SCD5: variants seen among roughly 807,000 people sequenced by gnomAD.
The protein encoded by SCD5 is stearoyl-CoA desaturase 5, also known as acyl-CoA-desaturase 4.
SCD5 carries 20 observed loss-of-function variants against 30.4 expected under a neutral mutation model. That is an observed-to-expected ratio of 0.66 (90% CI 0.46 to 0.96). SCD5 has a LOEUF of 0.96. Among genes scored for constraint, SCD5 ranks in the 40% least tolerant of loss-of-function variants. SCD5 has a pLI of 0.00. For missense variants in SCD5, 381 were observed against 443.3 expected, an observed-to-expected ratio of 0.86 and a Z score of 1.26; for synonymous variants, 173 against 176.4, an observed-to-expected ratio of 0.98 and a Z score of 0.16.
intron 1 of SCD5, among the ~76,000 whole-genome samples, chr4:82,790,019 G>T (rs1206432522): frequency 6.6e-6 from 1 of 152,074 alleles, no homozygotes; most frequent in East Asian, 1.9e-4. Flanking sequence ...GAAATCAAAT[G>T]CCCAACTGAG....
intron 1 of SCD5, among the ~76,000 whole-genome samples, chr4:82,790,127 G>C (rs1261710454): frequency 6.6e-6 from 1 of 152,174 alleles, no homozygotes; most frequent in African/African-American, 2.4e-5. Context: ...GGCACCCAAT[G>C]AGATGTTTGT....
intron 3 of SCD5, among the ~76,000 whole-genome samples, chr4:82,652,409 G>T (rs927473381): frequency 3.9e-5 from 6 of 152,146 alleles, no homozygotes; most frequent in East Asian, 1.9e-4. Context: ...GTGAAGTGGA[G>T]GAAGAAGAAA....
intron 3 of SCD5, among the ~76,000 whole-genome samples, chr4:82,657,913 C>A (rs1311584665): frequency 6.6e-6 from 1 of 152,084 alleles, no homozygotes; most frequent in Non-Finnish European, 1.5e-5. Flanking sequence ...TATTGGTGTA[C>A]AGGAATGCTT....
intron 3 of SCD5, among the ~76,000 whole-genome samples, chr4:82,657,184 C>T (rs1727883511): frequency 6.6e-6 from 1 of 152,150 alleles, no homozygotes; most frequent in Admixed American, 6.5e-5. Context: ...TGACTATGTC[C>T]TGAATGGTAT....
intron 1 of SCD5, among the ~76,000 whole-genome samples, chr4:82,761,729 C>A (rs866487395): frequency 3.3e-5 from 5 of 152,160 alleles, no homozygotes; most frequent in South Asian, 2.1e-4. Flanking sequence ...ATCCCTCCCC[C>A]CTCTCCCCAC....
At chr4:82,703,660 T>C (rs1314714562) in intron 2 of SCD5, among the ~76,000 whole-genome samples, 1 of 152,200 alleles carries the variant, frequency 6.6e-6, no homozygotes, top group Non-Finnish European at 1.5e-5. Flanking sequence ...TTTTCAAATT[T>C]TGAGTTATAA....
At chr4:82,766,234 C>G (rs1721481707) in intron 1 of SCD5, among the ~76,000 whole-genome samples, 1 of 152,246 alleles carries the variant, frequency 6.6e-6, no homozygotes, top group African/African-American at 2.4e-5. Flanking sequence ...ATTAAGCCAT[C>G]TGACGCTGTC....
intron 3 of SCD5, among the ~76,000 whole-genome samples, chr4:82,648,579 G>A (rs1252833371): frequency 6.6e-6 from 1 of 152,124 alleles, no homozygotes; most frequent in Non-Finnish European, 1.5e-5. Context: ...TCTCGGTCTT[G>A]TCTGAGTCAT....
chr4:82,636,420 C>T (rs1727430926), intron 4 of SCD5, among the ~76,000 whole-genome samples, 171 bp downstream of exon 4: 1 of 147,948 alleles, frequency 6.8e-6, no homozygotes, highest in African/African-American at 2.5e-5. Flanking sequence ...CACTGCACTC[C>T]AGACTGGCCA....
chr4:82,767,597 C>A (rs890940486), intron 1 of SCD5, among the ~76,000 whole-genome samples: 1 of 152,132 alleles, frequency 6.6e-6, no homozygotes, highest in Non-Finnish European at 1.5e-5. Flanking sequence ...CAAACCCAGG[C>A]CCTGTTACTC....
chr4:82,669,344 G>C (rs375138102), intron 3 of SCD5, among the ~76,000 whole-genome samples: 1 of 150,820 alleles, frequency 6.6e-6, no homozygotes, highest in Non-Finnish European at 1.5e-5. Context: ...TCCAGTTTCC[G>C]GTTCCACATG....
At chr4:82,786,792 T>TAAAAAA (rs11462424) in intron 1 of SCD5, among the ~76,000 whole-genome samples, 2 of 127,190 alleles carry the variant, frequency 1.6e-5, no homozygotes, top group Non-Finnish European at 3.2e-5. Flanking sequence ...GACTTTGCCT[T>TAAAAAA]AAAAAAAAAA....
intron 1 of SCD5, among the ~76,000 whole-genome samples, chr4:82,763,391 G>T (rs1400596889): frequency 6.6e-6 from 1 of 152,132 alleles, no homozygotes; most frequent in Admixed American, 6.5e-5. Flanking sequence ...CACACCTGTA[G>T]TCCCAGCTAC....
chr4:82,791,247 A>G (rs1294215850), intron 1 of SCD5, among the ~76,000 whole-genome samples: 2 of 152,094 alleles, frequency 1.3e-5, no homozygotes, highest in Non-Finnish European at 2.9e-5. Flanking sequence ...CAAAAAAAAA[A>G]AGATTAGTGG....
intron 3 of SCD5, among the ~76,000 whole-genome samples, chr4:82,674,115 G>A (rs536902839): frequency 6.6e-6 from 1 of 152,132 alleles, no homozygotes; most frequent in South Asian, 2.1e-4. Context: ...ACATCAAAGG[G>A]CATGATTCAT....
At chr4:82,634,922 C>T (rs988582613) in intron 4 of SCD5, among the ~76,000 whole-genome samples, 6 of 152,246 alleles carry the variant, frequency 3.9e-5, no homozygotes, top group African/African-American at 1.4e-4. Flanking sequence ...CCTGCTTATG[C>T]AGTTATTCCC....
rs538677968 is a variant in SCD5, at chr4:82,755,643, C to A, written c.232+42663G>T. Among the ~76,000 whole-genome samples the A allele has an allele frequency of 6.6e-5, 10 of 152,118 alleles. No homozygotes were observed. In the South Asian group the frequency reaches 2.1e-3, roughly 32 times the overall value. On this transcript the variant is annotated intron_variant, in intron 1 of 4. Coordinates refer to ENST00000319540, the MANE Select transcript of SCD5 (RefSeq NM_001037582.3). The stretch of plus-strand genomic sequence containing the variant: ...GAAAAGAAGGCAGCATTAAACAATG[C>A]GCTCAAAAAGGATGGCTTAACACCA...
At chr4:82,699,577 T>G (rs1402951444) in intron 2 of SCD5, among the ~76,000 whole-genome samples, 5 of 147,466 alleles carry the variant, frequency 3.4e-5, no homozygotes, top group Non-Finnish European at 7.5e-5. Flanking sequence ...TTTGTTTTTT[T>G]TTTTTTTTGA....
At chr4:82,742,450 G>A (rs543869789) in intron 1 of SCD5, among the ~76,000 whole-genome samples, 2 of 152,250 alleles carry the variant, frequency 1.3e-5, no homozygotes, top group Admixed American at 6.5e-5. Context: ...GGATTGCTGG[G>A]GTCTTAGAAT....
Sources: allele counts gnomAD v4.1 joint callset (sites outside exome capture counted in the v4.1 genomes callset), GRCh38; gene constraint gnomAD v4.1.1; transcripts MANE v1.5; gene names NCBI Gene and HGNC (gene_info 2026-07-23, HGNC 2026-07-21).